The following OR10K2 variants were observed in gnomAD, a reference collection of about 807,000 sequenced individuals.
OR10K2 encodes olfactory receptor 10K2.
For synonymous variants in OR10K2, 169 were observed against 146.4 expected, an observed-to-expected ratio of 1.15 and a Z score of -1.11; for missense variants, 401 against 367.1, an observed-to-expected ratio of 1.09 and a Z score of -0.76.
chr1:158,424,192 A>G (rs568717735), intron 1 of OR10K2, among the ~76,000 whole-genome samples: 42 of 152,126 alleles, frequency 2.8e-4, no homozygotes, highest in African/African-American at 9.6e-4. Context: ...TGATTGAACT[A>G]ACTAATCTTT....
Position 158,420,082 on chromosome 1 carries a change from G to A in OR10K2, c.785C>T (p.Pro262Leu), listed in dbSNP as rs1387414001. The change falls in exon 2 of 2, where the codon CCT becomes CTT. Residue 262 changes from proline to leucine, a missense_variant. Coordinates refer to ENST00000641042, the MANE Select transcript of OR10K2 (RefSeq NM_001004476.2). Reference protein sequence around the residue: ...YGCASFIYLRPQSNYSSSQDA... With the variant: ...YGCASFIYLRLQSNYSSSQDA... ...CTGGCTTGAGGAGTAGTTGGACTGA[G>A]GCCTTAAGTAGATAAAGGAGGCACA... 3.1e-6 allele frequency: 5 copies of A among 1,613,576 alleles called. No individual in the cohort carries two copies. Among genetic ancestry groups the A allele is most frequent in the East Asian group, 2.2e-5 (1 of 44,856 alleles).
rs1222353265 is a variant in OR10K2 at position 158,418,661 on chromosome 1, G to C, written c.*1267C>G. 6.6e-6 allele frequency: 1 copy of C among 152,080 alleles called. No individual in the cohort carries two copies. The highest frequency in any genetic ancestry group is 2.4e-5 in the African/African-American group (1 of 41,422). 9.4% of individuals were successfully genotyped at this position (152,080 alleles called of 1,614,324 possible). ...ATATGTCATTGATGAACAGACTGGT[G>C]GAAGAAAAGGAAAAAACTTAGAAAC... On this transcript the variant is annotated 3_prime_UTR_variant, in exon 2 of 2. Coordinates refer to ENST00000641042, the MANE Select transcript of OR10K2 (RefSeq NM_001004476.2).
intron 1 of OR10K2, among the ~76,000 whole-genome samples, chr1:158,424,737 C>CTGTGTGTGTGTGTGTGTG (rs146971622): frequency 0.15 from 22,401 of 149,238 alleles, 1,827 homozygotes; most frequent in South Asian, 0.2. Flanking sequence ...ACAGTACAAT[C>CTGTGTGTGTGTGTGTGTG]TGTGTGTGTG....
At position 158,418,459 on chromosome 1, in the gene OR10K2, C is replaced by T. The variant is rs1441801782; in HGVS notation, c.*1469G>A. Reference sequence around the variant, plus strand: ...CAAGGAAAAGACAACTTGGGGGCCACTGAAATTAATTTTGCATCAATCTCT... The same window carrying T: ...CAAGGAAAAGACAACTTGGGGGCCATTGAAATTAATTTTGCATCAATCTCT... On this transcript the variant is annotated 3_prime_UTR_variant, in exon 2 of 2. Transcript: ENST00000641042. 1 of 152,054 alleles carries T rather than the reference C, an allele frequency of 6.6e-6. No individual in the cohort carries two copies. The highest frequency in any genetic ancestry group is 2.4e-5 in the African/African-American group (1 of 41,408). The allele number at this position is 152,054 out of a possible 1,614,324, so 9.4% of individuals were successfully genotyped here. A position where few individuals can be genotyped will look rare whatever the true frequency, so the allele number is the denominator to read the frequency against.
chr1:158,425,697 T>C (rs1442721848), intron 1 of OR10K2, among the ~76,000 whole-genome samples: 2 of 152,058 alleles, frequency 1.3e-5, no homozygotes, highest in African/African-American at 4.8e-5. Context: ...AATTAAAATA[T>C]TGTTGAGTGC....
chr1:158,421,823 G>T (rs992611192), intron 1 of OR10K2, among the ~76,000 whole-genome samples: 5 of 151,976 alleles, frequency 3.3e-5, no homozygotes, highest in Admixed American at 6.6e-5. Context: ...TCTTTCCTTT[G>T]GGGAAATAAA....
At chr1:158,423,332 C>A (rs1302829190) in intron 1 of OR10K2, among the ~76,000 whole-genome samples, 1 of 150,852 alleles carries the variant, frequency 6.6e-6, no homozygotes, top group Admixed American at 6.6e-5. Flanking sequence ...TAAATTTCTA[C>A]ATGTAGAATC....
At position 158,418,907 on chromosome 1, in the gene OR10K2, G is replaced by A. The variant is rs1254539010; in HGVS notation, c.*1021C>T. The stretch of plus-strand genomic sequence containing the variant: ...GTTCCATATGCAAAGCTTTCCACTT[G>A]GTGAATATTTAGTGAAATTGACTTA... On this transcript the variant is annotated 3_prime_UTR_variant, in exon 2 of 2. Coordinates refer to ENST00000641042, the MANE Select transcript of OR10K2 (RefSeq NM_001004476.2). 1 of 152,046 alleles carries A rather than the reference G, an allele frequency of 6.6e-6. No individual in the cohort carries two copies. Among genetic ancestry groups the A allele is most frequent in the African/African-American group, 2.4e-5 (1 of 41,420 alleles). 9.4% of individuals were successfully genotyped at this position (152,046 alleles called of 1,614,324 possible). A position where few individuals can be genotyped will look rare whatever the true frequency, so the allele number is the denominator to read the frequency against.
chr1:158,423,060 T>C (rs900651833), intron 1 of OR10K2, among the ~76,000 whole-genome samples: 18 of 151,946 alleles, frequency 1.2e-4, no homozygotes, highest in African/African-American at 4.1e-4. Context: ...TTAATCTAAA[T>C]ATATAAATAG....
rs1320412074 is a variant in OR10K2, at chr1:158,420,091, T to C, written c.776A>G (p.Tyr259Cys). ...TVHYGCASFI[Y>C]LRPQSNYSSS... Reference sequence around the variant, plus strand: ...GGAGTAGTTGGACTGAGGCCTTAAGTAGATAAAGGAGGCACAGCCATAGTG... The same window carrying C: ...GGAGTAGTTGGACTGAGGCCTTAAGCAGATAAAGGAGGCACAGCCATAGTG... Residue 259 changes from tyrosine (Y) to cysteine (C), a missense_variant, in exon 2 of 2, where the codon TAC becomes TGC. Tyr to Cys is a radical substitution (Grantham distance 194). Transcript: ENST00000641042. 1 of 1,613,418 alleles carries C rather than the reference T, an allele frequency of 6.2e-7. No individual in the cohort carries two copies. Among genetic ancestry groups the C allele is most frequent in the Non-Finnish European group, 8.5e-7 (1 of 1,179,766 alleles).
chr1:158,419,976 G>T lies in OR10K2; in HGVS notation c.891C>A (p.Phe297Leu). The T allele has an allele frequency of 6.2e-7, 1 of 1,612,370 alleles. No homozygotes were observed. The highest frequency in any genetic ancestry group is 8.5e-7 in the Non-Finnish European group (1 of 1,178,852). ...PMIYSLRNKE[F>L]KSALCKIVRR... Reference sequence around the variant, plus strand: ...TCACAATTTTACAAAGAGCTGATTTGAACTCTTTATTTCTCAAGCTATAAA... The same window carrying T: ...TCACAATTTTACAAAGAGCTGATTTTAACTCTTTATTTCTCAAGCTATAAA... The change falls in exon 2 of 2, where the codon TTC becomes TTA. Residue 297 changes from phenylalanine (F) to leucine (L), a missense_variant. Transcript: ENST00000641042.
In OR10K2 at chr1:158,420,305, C is replaced by T. The variant is rs749538349; in HGVS notation, c.562G>A (p.Ala188Thr). ...FCDIAPVLKL[A>T]SHHNHFSQIV... ...TGACTAAAGTGGTTATGGTGAGATG[C>T]CAGCTTGAGGACAGGAGCAATGTCA... Residue 188 changes from alanine (A) to threonine (T), a missense_variant, in exon 2 of 2, where the codon GCA becomes ACA. Transcript: ENST00000641042. The T allele has an allele frequency of 6.2e-7, 1 of 1,613,758 alleles. No homozygotes were observed. The highest frequency in any genetic ancestry group is 1.1e-5 in the South Asian group (1 of 91,068).
chr1:158,423,919 C>A (rs1015007992), intron 1 of OR10K2, among the ~76,000 whole-genome samples: 1 of 151,974 alleles, frequency 6.6e-6, no homozygotes, highest in Non-Finnish European at 1.5e-5. Context: ...TTCATGATTT[C>A]TGTTACTATC....
intron 1 of OR10K2, among the ~76,000 whole-genome samples, chr1:158,424,014 C>CTATAAACATTATAAAATAAG (rs1655208369): frequency 6.6e-6 from 1 of 151,906 alleles, no homozygotes. Context: ...ATAAAATAGC[C>CTATAAACATTATAAAATAAG]TATAAACATT....
rs374669523 is a variant in OR10K2, at chr1:158,420,853, T to C, written c.14A>G (p.Asn5Ser). 57 of 1,613,138 alleles carry C rather than the reference T, an allele frequency of 3.5e-5. No individual in the cohort carries two copies. The East Asian group carries it at 7.1e-4, about 20-fold the overall frequency. Residue 5 changes from asparagine to serine, a missense_variant, in exon 2 of 2, where the codon AAT becomes AGT. By Grantham distance (46) the Asn-to-Ser change is conservative. Coordinates refer to ENST00000641042, the MANE Select transcript of OR10K2 (RefSeq NM_001004476.2). MERV[N>S]ETVVREVIFL... ...GATGACCTCTCTCACCACAGTCTCA[T>C]TGACCCGCTCCATGGAGCATACATC...
At position 158,423,889 on chromosome 1, in the gene OR10K2, C is replaced by T. The variant is rs149272544; in HGVS notation, c.-62+2044G>A. On this transcript the variant is annotated intron_variant, in intron 1 of 1. Transcript: ENST00000641042. Reference sequence around the variant, plus strand: ...CTAAAGACTGGGGCAGATTGTCTAACAATTCTCATGTTTTACGATTTCATG... The same window carrying T: ...CTAAAGACTGGGGCAGATTGTCTAATAATTCTCATGTTTTACGATTTCATG... Among the ~76,000 whole-genome samples, 915 of 152,104 alleles carry T rather than the reference C, an allele frequency of 6.0e-3. 3 individuals carry two copies. The highest frequency in any genetic ancestry group is 9.9e-3 in the Non-Finnish European group (672 of 67,920).
chr1:158,420,046 AT>A lies in OR10K2; in HGVS notation c.820del (p.Ile274TyrfsTer8). On this transcript the variant is annotated frameshift_variant, in exon 2 of 2. Coordinates refer to ENST00000641042, the MANE Select transcript of OR10K2 (RefSeq NM_001004476.2). LOFTEE classifies it low-confidence loss of function (END_TRUNC). Reference protein sequence around the residue: ...SNYSSSQDALISVSYTIITPL... With the variant: ...SNYSSSQDALXSVSYTIITPL... ...AGTTATAATAGTGTAGGATACTGAT[AT>A]TAGAGCATCCTGGCTTGAGGAGTAG... 1 of 1,613,762 alleles carries A rather than the reference AT, an allele frequency of 6.2e-7. No homozygotes were observed.
At position 158,420,019 on chromosome 1, in the gene OR10K2, G is replaced by A; in HGVS notation, c.848C>T (p.Pro283Leu). 6.2e-7 allele frequency: 1 copy of A among 1,613,464 alleles called. No homozygotes were observed. The highest frequency in any genetic ancestry group is 2.2e-5 in the East Asian group (1 of 44,840). The change falls in exon 2 of 2, where the codon CCA becomes CTA. Residue 283 changes from proline (P) to leucine (L), a missense_variant. Physicochemically the swap from Pro to Leu is moderately conservative, Grantham distance 98. Coordinates refer to ENST00000641042, the MANE Select transcript of OR10K2 (RefSeq NM_001004476.2). ...GCTATAAATCATTGGGTTGAACAAT[G>A]GAGTTATAATAGTGTAGGATACTGA... Reference protein sequence around the residue: ...LISVSYTIITPLFNPMIYSLR... With the variant: ...LISVSYTIITLLFNPMIYSLR...
At chr1:158,421,055 T>C in intron 1 of OR10K2, 128 bp from the exon 2 acceptor site, 1 of 622,708 alleles carries the variant, frequency 1.6e-6, no homozygotes, top group Non-Finnish European at 2.8e-6. Flanking sequence ...AGGCAAGCGT[T>C]CATCAAACTT....
Sources: allele counts gnomAD v4.1 joint callset (sites outside exome capture counted in the v4.1 genomes callset), GRCh38; gene constraint gnomAD v4.1.1; transcripts MANE v1.5; gene names NCBI Gene and HGNC (gene_info 2026-07-23, HGNC 2026-07-21).